Variants in CSMD1 observed in about 807,000 individuals in gnomAD.
CSMD1 encodes CUB and Sushi multiple domains 1.
A neutral mutation model predicts 417.5 loss-of-function variants in CSMD1; 213 were observed. The ratio of observed to expected loss-of-function variants is 0.51; its 90% CI spans 0.46 to 0.57. The LOEUF (loss-of-function observed/expected upper bound fraction) is 0.57. CSMD1 is among the 20% of genes least tolerant of loss of function. The probability of loss-of-function intolerance (pLI) is 0.00; values close to 1 mark genes in which losing one functional copy is unlikely to be tolerated. For synonymous variants in CSMD1, 2,862 were observed against 1,736.8 expected, an observed-to-expected ratio of 1.65 and a Z score of -16.11; for missense variants, 6,923 against 4,529.7, an observed-to-expected ratio of 1.53 and a Z score of -15.17.
chr8:4,596,563 T>A (rs572506970), intron 2 of CSMD1, among the ~76,000 whole-genome samples: 3 of 151,590 alleles, frequency 2.0e-5, no homozygotes, highest in East Asian at 1.9e-4. Flanking sequence ...AAAAAAAAAA[T>A]AATTAATAAT....
intron 5 of CSMD1, among the ~76,000 whole-genome samples, chr8:3,802,733 A>C (rs184060705): frequency 3.3e-4 from 50 of 152,370 alleles, no homozygotes; most frequent in South Asian, 1.7e-3. Flanking sequence ...TTTAATTAAA[A>C]GACATCCCAA....
At chr8:4,132,634 C>G (rs1049026333) in intron 3 of CSMD1, among the ~76,000 whole-genome samples, 2 of 152,100 alleles carry the variant, frequency 1.3e-5, no homozygotes, top group Non-Finnish European at 2.9e-5. Context: ...TCATTCTAAG[C>G]CAAATAAATA....
At chr8:4,401,605 C>G (rs556841731) in intron 3 of CSMD1, among the ~76,000 whole-genome samples, 5 of 152,222 alleles carry the variant, frequency 3.3e-5, no homozygotes, top group Non-Finnish European at 5.9e-5. Context: ...TCCCTGTCAC[C>G]TCGGTCACCA....
chr8:3,009,846 G>C (rs1275453164), intron 52 of CSMD1, among the ~76,000 whole-genome samples: 2 of 152,168 alleles, frequency 1.3e-5, no homozygotes, highest in Admixed American at 6.5e-5. Context: ...AAATCCATTT[G>C]ATCAGATCTC....
intron 5 of CSMD1, among the ~76,000 whole-genome samples, chr8:3,823,166 T>G (rs1325580586): frequency 6.6e-6 from 1 of 152,176 alleles, no homozygotes; most frequent in East Asian, 1.9e-4. Flanking sequence ...CATATCTTCT[T>G]TATCTTTACC....
At chr8:3,665,304 C>G (rs190781968) in intron 7 of CSMD1, among the ~76,000 whole-genome samples, 1 of 152,036 alleles carries the variant, frequency 6.6e-6, no homozygotes, top group Non-Finnish European at 1.5e-5. Flanking sequence ...CTGAGGTGGG[C>G]GGATGGCCTG....
At chr8:3,762,188 A>T (rs1798045599) in intron 5 of CSMD1, among the ~76,000 whole-genome samples, 1 of 152,042 alleles carries the variant, frequency 6.6e-6, no homozygotes, top group South Asian at 2.1e-4. Flanking sequence ...AGCTGACTTC[A>T]TGCAGGGCGC....
chr8:3,805,062 C>G (rs571780588), intron 5 of CSMD1, among the ~76,000 whole-genome samples: 1 of 151,620 alleles, frequency 6.6e-6, no homozygotes, highest in African/African-American at 2.4e-5. Flanking sequence ...CACTTAGGCA[C>G]AGAGAATTAG....
intron 3 of CSMD1, among the ~76,000 whole-genome samples, chr8:4,261,713 A>C (rs1803898083): frequency 6.6e-6 from 1 of 152,056 alleles, no homozygotes; most frequent in African/African-American, 2.4e-5. Context: ...TCTGGCTGAG[A>C]GCAGATCTTA....
At chr8:3,950,984 T>G (rs1229507572) in intron 5 of CSMD1, among the ~76,000 whole-genome samples, 1 of 152,162 alleles carries the variant, frequency 6.6e-6, no homozygotes, top group Non-Finnish European at 1.5e-5. Flanking sequence ...ACAGTTACAG[T>G]AAAAGCATAA....
Position 4,565,367 on chromosome 8 carries a change from A to G in CSMD1, c.302+71975T>C, listed in dbSNP as rs552661514. 2.0e-5 allele frequency among the ~76,000 whole-genome samples: 3 copies of G among 152,320 alleles called. No individual in the cohort carries two copies. The South Asian group carries it at 6.2e-4, about 32-fold the overall frequency. ...AAATGGCTTGTAACAAGCCATGTGCAGCTGTGGTATGCCCACACTTAACCT... is the reference window on the plus strand; with the variant it reads ...AAATGGCTTGTAACAAGCCATGTGCGGCTGTGGTATGCCCACACTTAACCT... On this transcript the variant is annotated intron_variant, in intron 2 of 69. Transcript: ENST00000635120.
In CSMD1 at chr8:3,838,682, G is replaced by A. The variant is rs1223690412; in HGVS notation, c.819-84640C>T. On this transcript the variant is annotated intron_variant, in intron 5 of 69. Transcript: ENST00000635120. The stretch of plus-strand genomic sequence containing the variant: ...ATATATAATAAATTAATATTATATA[G>A]TATAATATATAATAAATATTATATA... Among the ~76,000 whole-genome samples, 3 of 69,376 alleles carry A rather than the reference G, an allele frequency of 4.3e-5. 1 individual carries two copies. The highest frequency in any genetic ancestry group is 8.8e-5 in the African/African-American group (1 of 11,330). The allele number at this position is 69,376 out of a possible 152,430, so 45.5% of individuals were successfully genotyped here. A position where few individuals can be genotyped will look rare whatever the true frequency, so the allele number is the denominator to read the frequency against.
chr8:4,021,408 G>C (rs940679270), intron 4 of CSMD1, among the ~76,000 whole-genome samples: 5 of 152,180 alleles, frequency 3.3e-5, no homozygotes, highest in East Asian at 1.9e-4. Flanking sequence ...ATTATGGATT[G>C]TGTTATATGT....
At chr8:3,897,329 G>C (rs979573398) in intron 5 of CSMD1, among the ~76,000 whole-genome samples, 3 of 152,118 alleles carry the variant, frequency 2.0e-5, no homozygotes, top group African/African-American at 7.2e-5. Context: ...ACTTGGGTCA[G>C]GTTTCTCTTA....
chr8:3,736,916 C>T (rs2720820), intron 6 of CSMD1, among the ~76,000 whole-genome samples: 94,342 of 151,996 alleles, frequency 0.62, 30,981 homozygotes, highest in East Asian at 0.75. Context: ...TAGAACATTC[C>T]GTGTGAAGCA....
intron 7 of CSMD1, among the ~76,000 whole-genome samples, chr8:3,693,067 G>T (rs560999331): frequency 1.3e-5 from 2 of 151,914 alleles, no homozygotes; most frequent in Non-Finnish European, 2.9e-5. Context: ...GTAATAATCA[G>T]GAATACATTT....
At chr8:3,865,862 T>TA (rs2129108246) in intron 5 of CSMD1, among the ~76,000 whole-genome samples, 1 of 152,298 alleles carries the variant, frequency 6.6e-6, no homozygotes, top group South Asian at 2.1e-4. Flanking sequence ...ACACGTGTTA[T>TA]AGTATACTAG....
intron 2 of CSMD1, among the ~76,000 whole-genome samples, chr8:4,420,985 T>C (rs1245631659): frequency 1.3e-5 from 2 of 152,184 alleles, no homozygotes; most frequent in Non-Finnish European, 1.5e-5. Flanking sequence ...CAAATTGTAT[T>C]CATCTTTGTA....
intron 5 of CSMD1, among the ~76,000 whole-genome samples, chr8:3,807,885 T>C (rs1042923860): frequency 6.6e-6 from 1 of 152,122 alleles, no homozygotes; most frequent in Non-Finnish European, 1.5e-5. Context: ...ACAAAAGCAA[T>C]CCCCTTCTTG....
Sources: allele counts gnomAD v4.1 joint callset (sites outside exome capture counted in the v4.1 genomes callset), GRCh38; gene constraint gnomAD v4.1.1; transcripts MANE v1.5; gene names NCBI Gene and HGNC (gene_info 2026-07-23, HGNC 2026-07-21).